The following ADAM22 variants were observed in gnomAD, a reference collection of about 807,000 sequenced individuals.
ADAM22 encodes the protein disintegrin and metalloproteinase domain-containing protein 22.
A neutral mutation model predicts 144.6 loss-of-function variants in ADAM22; 65 were observed. The observed-to-expected ratio is 0.45, with a 90% confidence interval of 0.37 to 0.55. ADAM22 has a LOEUF of 0.55. Ranked by LOEUF, ADAM22 falls within the 20% of genes least tolerant of loss-of-function variation. ADAM22 has a pLI of 0.00. For synonymous variants in ADAM22, 391 were observed against 412.6 expected, an observed-to-expected ratio of 0.95 and a Z score of 0.63; for missense variants, 974 against 1,184.9, an observed-to-expected ratio of 0.82 and a Z score of 2.61.
In ADAM22 at chr7:88,083,423, G is replaced by A. The variant is rs1016430238; in HGVS notation, c.390+7731G>A. 7.9e-5 allele frequency among the ~76,000 whole-genome samples: 12 copies of A among 151,810 alleles called. No homozygotes were observed. The East Asian group carries it at 1.3e-3, about 17-fold the overall frequency. On this transcript the variant is annotated intron_variant, in intron 4 of 31. Coordinates refer to ENST00000413139, the MANE Select transcript of ADAM22 (RefSeq NM_001324418.2). ...TTAATGGGTGCAGCACACCAACATG[G>A]CACATGTATACATATGTAACAAACC... is the stretch of plus-strand genomic sequence containing the variant.
chr7:88,012,978 C>T (rs1356817408), intron 3 of ADAM22, among the ~76,000 whole-genome samples: 1 of 152,190 alleles, frequency 6.6e-6, no homozygotes, highest in Admixed American at 6.5e-5. Context: ...CCTCTAGAGC[C>T]AAGGACTCGG....
intron 4 of ADAM22, among the ~76,000 whole-genome samples, chr7:88,106,838 C>CT (rs1402546848): frequency 1.3e-5 from 2 of 152,156 alleles, no homozygotes; most frequent in African/African-American, 4.8e-5. Context: ...GAACTGCACT[C>CT]TGAGTAGTAA....
intron 18 of ADAM22, 118 bp from the exon 19 acceptor site, chr7:88,150,863 T>C (rs1259459722): frequency 2.6e-6 from 2 of 757,848 alleles, no homozygotes; most frequent in Non-Finnish European, 4.3e-6. Context: ...GTTTTATAGA[T>C]GGTATAAGGG....
intron 2 of ADAM22, among the ~76,000 whole-genome samples, chr7:87,953,353 G>A (rs956386530): frequency 7.9e-5 from 12 of 151,840 alleles, no homozygotes; most frequent in Admixed American, 2.6e-4. Flanking sequence ...GTTTGTTCTC[G>A]TTGGTTTCAA....
intron 22 of ADAM22, among the ~76,000 whole-genome samples, chr7:88,162,085 GA>G (rs1313257351): frequency 9.0e-6 from 1 of 111,670 alleles, no homozygotes; most frequent in East Asian, 3.5e-4. Context: ...ACTGGATAAA[GA>G]AAATGTGTAA....
chr7:87,985,530 T>C (rs1788264964), intron 3 of ADAM22, among the ~76,000 whole-genome samples: 1 of 152,168 alleles, frequency 6.6e-6, no homozygotes, highest in African/African-American at 2.4e-5. Context: ...TTTCTGTCTT[T>C]ATAAATTTGT....
chr7:88,005,185 C>A (rs1250507276), intron 3 of ADAM22, among the ~76,000 whole-genome samples: 4 of 152,100 alleles, frequency 2.6e-5, no homozygotes, highest in African/African-American at 9.7e-5. Flanking sequence ...CCCACTCACT[C>A]CCCATTAAAT....
intron 3 of ADAM22, among the ~76,000 whole-genome samples, chr7:88,042,880 A>G (rs924112753): frequency 1.3e-5 from 2 of 150,948 alleles, no homozygotes; most frequent in African/African-American, 4.9e-5. Context: ...ATTTCTTCCT[A>G]TTTCCTTGGC....
intron 3 of ADAM22, among the ~76,000 whole-genome samples, chr7:88,035,323 T>A (rs1801263511): frequency 6.6e-6 from 1 of 152,266 alleles, no homozygotes; most frequent in Admixed American, 6.5e-5. Context: ...GCTTGGGCCC[T>A]AGATCCAGTT....
intron 3 of ADAM22, among the ~76,000 whole-genome samples, chr7:88,064,934 T>C (rs925664047): frequency 1.3e-5 from 2 of 152,110 alleles, no homozygotes; most frequent in African/African-American, 4.8e-5. Context: ...GTAATCATAG[T>C]AATAGTAGTA....
chr7:88,023,742 C>T (rs1798348278), intron 3 of ADAM22, among the ~76,000 whole-genome samples: 2 of 152,266 alleles, frequency 1.3e-5, no homozygotes, highest in South Asian at 2.1e-4. Flanking sequence ...TTGTTATTGA[C>T]TATAGTAACC....
rs1276424517 is a variant in ADAM22 at position 88,201,857 on chromosome 7, T to G, written c.*5366T>G. ...GTTTATGAAGAAAAGGTATTTTCCT[T>G]TCTTGTAAAAAATGTTATATATATA... is the stretch of plus-strand genomic sequence containing the variant. On this transcript the variant is annotated 3_prime_UTR_variant, in exon 32 of 32. Transcript: ENST00000413139. The G allele has an allele frequency of 6.6e-6, 1 of 152,176 alleles. No homozygotes were observed. The highest frequency in any genetic ancestry group is 1.5e-5 in the Non-Finnish European group (1 of 68,026). 9.4% of individuals were successfully genotyped at this position (152,176 alleles called of 1,614,324 possible).
At chr7:88,044,597 C>T (rs1585214552) in intron 3 of ADAM22, among the ~76,000 whole-genome samples, 1 of 151,662 alleles carries the variant, frequency 6.6e-6, no homozygotes, top group Non-Finnish European at 1.5e-5. Context: ...CAGGTGTGTG[C>T]CACCATGCCT....
chr7:88,110,721 G>C (rs1309310446), intron 5 of ADAM22, among the ~76,000 whole-genome samples: 2 of 134,254 alleles, frequency 1.5e-5, no homozygotes, highest in South Asian at 2.7e-4. Flanking sequence ...TCGTTCATTT[G>C]TTCGTTCGTT....
rs1840974473 is a variant in ADAM22 at position 87,935,305 on chromosome 7, G to GATGCGAGTC, written c.246+124_246+132dup. On this transcript the variant is annotated intron_variant, in intron 2 of 31. Coordinates refer to ENST00000413139, the MANE Select transcript of ADAM22 (RefSeq NM_001324418.2). ...TCTTGGGTGAAATGAGTTGGGTCCC[G>GATGCGAGTC]ATGCGAGTCATGCATGGCGCTCCCT... 11 of 1,184,116 alleles carry GATGCGAGTC rather than the reference G, an allele frequency of 9.3e-6. No individual in the cohort carries two copies. In the Admixed American group the frequency reaches 3.2e-4, roughly 34 times the overall value. 73.4% of individuals were successfully genotyped at this position (1,184,116 alleles called of 1,614,324 possible). A position where few individuals can be genotyped will look rare whatever the true frequency, so the allele number is the denominator to read the frequency against.
intron 2 of ADAM22, among the ~76,000 whole-genome samples, chr7:87,961,064 T>C (rs1334408882): frequency 6.6e-6 from 1 of 152,126 alleles, no homozygotes; most frequent in Admixed American, 6.6e-5. Flanking sequence ...ATAAAAAATA[T>C]AGCATGGTAA....
At chr7:87,978,877 T>A (rs1852563898) in intron 3 of ADAM22, among the ~76,000 whole-genome samples, 2 of 151,896 alleles carry the variant, frequency 1.3e-5, no homozygotes, top group Admixed American at 1.3e-4. Flanking sequence ...TTCTGTGAGG[T>A]TTCTGGTACT....
intron 3 of ADAM22, among the ~76,000 whole-genome samples, chr7:88,048,062 G>A (rs983230678): frequency 6.6e-6 from 1 of 152,062 alleles, no homozygotes; most frequent in Admixed American, 6.5e-5. Flanking sequence ...CTGCCCTGTT[G>A]CTAGACTTCC....
rs151209328 is a variant in ADAM22 at position 88,193,671 on chromosome 7, T to C, written c.2874+432T>C. Among the ~76,000 whole-genome samples, 5 of 152,298 alleles carry C rather than the reference T, an allele frequency of 3.3e-5. No homozygotes were observed. The East Asian group carries it at 7.7e-4, about 23-fold the overall frequency. ...TTAAGTGAAAGATGTAACCAAAGAA[T>C]AATTACCTTTATTGATGTCCAGGCT... On this transcript the variant is annotated intron_variant, in intron 31 of 31. Transcript: ENST00000413139.
Sources: gnomAD v4.1 joint callset for allele counts (sites outside exome capture counted in the v4.1 genomes callset) on GRCh38, gnomAD v4.1.1 for gene constraint, MANE v1.5 for transcripts, NCBI Gene and HGNC (gene_info 2026-07-23, HGNC 2026-07-21) for gene names.